Variants in B4GALT7 observed in about 807,000 individuals in gnomAD.
B4GALT7 encodes UDP-Gal:beta-GlcNAc beta-1,4-galactosyltransferase 7.
In B4GALT7, 30 loss-of-function variants were observed where a neutral mutation model predicts 33.0. The ratio of observed to expected loss-of-function variants is 0.91; its 90% CI spans 0.68 to 1.23. The LOEUF (loss-of-function observed/expected upper bound fraction) is 1.23, where lower values mean the gene tolerates loss of function less well. B4GALT7 is among the 50% of genes most tolerant of loss of function. The pLI, the probability that B4GALT7 is intolerant of heterozygous loss-of-function variation, is 0.00. For missense variants in B4GALT7, 507 were observed against 450.8 expected, an observed-to-expected ratio of 1.12 and a Z score of -1.13; for synonymous variants, 213 against 187.2, an observed-to-expected ratio of 1.14 and a Z score of -1.13.
intron 1 of B4GALT7, among the ~76,000 whole-genome samples, chr5:177,602,290 G>A (rs1011950460): frequency 2.0e-5 from 3 of 152,110 alleles, no homozygotes; most frequent in East Asian, 3.9e-4. Context: ...CCAGGTTGGC[G>A]GTCTCTCTAG....
intron 1 of B4GALT7, among the ~76,000 whole-genome samples, chr5:177,601,108 C>T (rs2127510028): frequency 6.6e-6 from 1 of 152,202 alleles, no homozygotes; most frequent in East Asian, 1.9e-4. Flanking sequence ...TTCTTAAGTC[C>T]GTCAGGTGCC....
chr5:177,601,354 G>C (rs565897556), intron 1 of B4GALT7: 1 of 152,154 alleles, frequency 6.6e-6, no homozygotes, highest in Non-Finnish European at 1.5e-5. Context: ...TTAAAGGACC[G>C]CACACATGTA....
rs758861249 is a variant in B4GALT7 at position 177,608,494 on chromosome 5, C to CG, written c.640-45_640-44insG. ...AGCGGTAGGAGACCAAAGGCCCCCCCCCCCGGGAAGATGGGCCGAGTGACG... is the reference window on the plus strand; with the variant it reads ...AGCGGTAGGAGACCAAAGGCCCCCCCGCCCCGGGAAGATGGGCCGAGTGACG... On this transcript the variant is annotated intron_variant, in intron 3 of 5. Transcript: ENST00000029410. The surrounding 1 kb of genome is among the most constrained non-coding windows in gnomAD (Gnocchi z 4.1). 1.2e-5 allele frequency: 19 copies of CG among 1,563,978 alleles called. No homozygotes were observed. In the African/African-American group the frequency reaches 1.2e-4, roughly 10 times the overall value.
chr5:177,608,390 C>A lies in B4GALT7; in HGVS notation c.640-149C>A. Reference sequence around the variant, plus strand: ...AGGGCCCGGGACGCGCTGCTTCCTGCCGCCCGCACTGCAGAAGTGCAGGAG... The same window carrying A: ...AGGGCCCGGGACGCGCTGCTTCCTGACGCCCGCACTGCAGAAGTGCAGGAG... On this transcript the variant is annotated intron_variant, in intron 3 of 5. Transcript: ENST00000029410. The surrounding 1 kb of genome is among the most constrained non-coding windows in gnomAD (Gnocchi z 4.1). 4.5e-6 allele frequency: 3 copies of A among 673,378 alleles called. No homozygotes were observed. The allele number at this position is 673,378 out of a possible 1,614,324, so 41.7% of individuals were successfully genotyped here.
Position 177,608,976 on chromosome 5 carries a change from C to G in B4GALT7, c.790C>G (p.Arg264Gly). 1 of 1,613,128 alleles carries G rather than the reference C, an allele frequency of 6.2e-7. No homozygotes were observed. The highest frequency in any genetic ancestry group is 8.5e-7 in the Non-Finnish European group (1 of 1,179,980). ...TFRHLHDPAW[R>G]KRDQKRIAAQ... ...TCGCCACCTGCATGACCCAGCCTGG[C>G]GGAAGAGGGACCAGAAGCGCATCGC... Residue 264 changes from arginine to glycine, a missense_variant, in exon 5 of 6, where the codon CGG becomes GGG. Arg to Gly is a moderately radical substitution (Grantham distance 125). Transcript: ENST00000029410. The surrounding 1 kb of genome is among the most constrained non-coding windows in gnomAD (Gnocchi z 4.1).
intron 1 of B4GALT7, chr5:177,602,686 G>A (rs1767876271): frequency 9.2e-6 from 2 of 216,270 alleles, no homozygotes; most frequent in Non-Finnish European, 1.6e-5. Context: ...TGCCCAACAT[G>A]AGAACATGGG....
chr5:177,609,366 G>A (rs113674994), intron 5 of B4GALT7, among the ~76,000 whole-genome samples, 174 bp from the exon 6 acceptor site: 3 of 152,282 alleles, frequency 2.0e-5, no homozygotes, highest in Non-Finnish European at 2.9e-5. Context: ...ATCCCGGCTC[G>A]CCTGCTTCCT....
In B4GALT7 at chr5:177,608,073, C is replaced by A; in HGVS notation, c.640-466C>A. Reference sequence around the variant, plus strand: ...CAGGAAGAAGCACTTGTGGCTCAGGCCTGGGTGTCCTCCTCTCCAGGCCAT... The same window carrying A: ...CAGGAAGAAGCACTTGTGGCTCAGGACTGGGTGTCCTCCTCTCCAGGCCAT... On this transcript the variant is annotated intron_variant, in intron 3 of 5. Coordinates refer to ENST00000029410, the MANE Select transcript of B4GALT7 (RefSeq NM_007255.3). The surrounding 1 kb of genome is among the most constrained non-coding windows in gnomAD (Gnocchi z 4.1). 4.2e-6 allele frequency: 1 copy of A among 239,458 alleles called. No homozygotes were observed. The allele number at this position is 239,458 out of a possible 1,614,324, so 14.8% of individuals were successfully genotyped here. A position where few individuals can be genotyped will look rare whatever the true frequency, so the allele number is the denominator to read the frequency against.
rs201281389 is a variant in B4GALT7 at position 177,604,492 on chromosome 5, A to C, written c.364A>C (p.Lys122Gln). Residue 122 changes from lysine to glutamine, a missense_variant, in exon 2 of 6, where the codon AAG becomes CAG. By Grantham distance (53) the Lys-to-Gln change is moderately conservative. Coordinates refer to ENST00000029410, the MANE Select transcript of B4GALT7 (RefSeq NM_007255.3). Reference sequence around the variant, plus strand: ...CCACATGCGCCGCTTCCTGAGCAGGAAGAAGATCCGGCACCACATCTACGT... The same window carrying C: ...CCACATGCGCCGCTTCCTGAGCAGGCAGAAGATCCGGCACCACATCTACGT... ...VPHMRRFLSR[K>Q]KIRHHIYVLN... The C allele has an allele frequency of 4.3e-6, 7 of 1,613,944 alleles. No individual in the cohort carries two copies. The Admixed American group carries it at 6.7e-5, about 15-fold the overall frequency.
At chr5:177,607,584 TG>T in intron 3 of B4GALT7, 57 bp downstream of exon 3, 1 of 1,537,038 alleles carries the variant, frequency 6.5e-7, no homozygotes, top group South Asian at 1.1e-5. Flanking sequence ...AGGCTGCGGG[TG>T]GTGGGAAGGA....
At chr5:177,607,945 T>C (rs1768062073) in intron 3 of B4GALT7, 1 of 291,850 alleles carries the variant, frequency 3.4e-6, no homozygotes, top group East Asian at 9.0e-5. Context: ...CCTTCCCTTG[T>C]AGCTCAGGCA....
At chr5:177,609,039 G>A (rs764425084) in intron 5 of B4GALT7, 25 bp downstream of exon 5, 12 of 1,596,226 alleles carry the variant, frequency 7.5e-6, no homozygotes, top group Middle Eastern at 1.7e-4. Flanking sequence ...CCTCATTGGG[G>A]ACAGATAGGT....
At chr5:177,609,190 C>T (rs540568407) in intron 5 of B4GALT7, among the ~76,000 whole-genome samples, 176 bp downstream of exon 5, 2 of 152,268 alleles carry the variant, frequency 1.3e-5, no homozygotes, top group East Asian at 3.9e-4. Context: ...CTGCTGTGGG[C>T]ACCCTGGGCA....
Position 177,608,574 on chromosome 5 carries a change from CCG to C in B4GALT7, c.678_679del (p.Glu227GlyfsTer9). On this transcript the variant is annotated frameshift_variant, in exon 4 of 6. Transcript: ENST00000029410. LOFTEE classifies it high-confidence loss of function. The surrounding 1 kb of genome is among the most constrained non-coding windows in gnomAD (Gnocchi z 4.1). ...GMSNRFWGWG[R>X]EDDEFYRRIK... ...TGTCCAACCGCTTCTGGGGCTGGGGCCGCGAGGACGACGAGTTCTACCGGCGC... is the reference window on the plus strand; with the variant it reads ...TGTCCAACCGCTTCTGGGGCTGGGGCCGAGGACGACGAGTTCTACCGGCGC... 1 of 1,613,612 alleles carries C rather than the reference CCG, an allele frequency of 6.2e-7. No individual in the cohort carries two copies. Among genetic ancestry groups the C allele is most frequent in the Non-Finnish European group, 8.5e-7 (1 of 1,179,958 alleles).
intron 2 of B4GALT7, chr5:177,604,917 A>C: frequency 2.2e-6 from 1 of 462,090 alleles, no homozygotes; most frequent in South Asian, 1.6e-5. Context: ...GGGAGGGTCA[A>C]GGCCACGGCT....
chr5:177,603,726 G>T (rs1767900648), intron 1 of B4GALT7, among the ~76,000 whole-genome samples: 1 of 152,180 alleles, frequency 6.6e-6, no homozygotes, highest in African/African-American at 2.4e-5. Flanking sequence ...GGTTTCTGCT[G>T]GGGTGGATCT....
chr5:177,609,006 CA>C lies in B4GALT7; in HGVS notation c.825del (p.Lys275AsnfsTer13). 4 of 1,610,618 alleles carry C rather than the reference CA, an allele frequency of 2.5e-6. No individual in the cohort carries two copies. On this transcript the variant is annotated frameshift_variant, in exon 5 of 6. Coordinates refer to ENST00000029410, the MANE Select transcript of B4GALT7 (RefSeq NM_007255.3). LOFTEE classifies it high-confidence loss of function. ...GAGGGACCAGAAGCGCATCGCAGCT[CA>C]AAAACAGGTGCTGGCAGGGCTCCTC... ...RKRDQKRIAA[Q>X]KQEQFKVDRE...
At chr5:177,607,774 C>T (rs775787208) in intron 3 of B4GALT7, 23 of 570,230 alleles carry the variant, frequency 4.0e-5, no homozygotes, top group East Asian at 2.4e-4. Context: ...AGTGTAGGGG[C>T]GGTTCAGGTG....
At position 177,608,443 on chromosome 5, in the gene B4GALT7, G is replaced by A; in HGVS notation, c.640-96G>A. 4 of 1,136,228 alleles carry A rather than the reference G, an allele frequency of 3.5e-6. No homozygotes were observed. Among genetic ancestry groups the A allele is most frequent in the Non-Finnish European group, 5.3e-6 (4 of 753,962 alleles). The allele number at this position is 1,136,228 out of a possible 1,614,324, so 70.4% of individuals were successfully genotyped here. On this transcript the variant is annotated intron_variant, in intron 3 of 5. Coordinates refer to ENST00000029410, the MANE Select transcript of B4GALT7 (RefSeq NM_007255.3). This position sits in a 1 kb window ranked among gnomAD's most constrained non-coding sequence, Gnocchi z 4.1. ...TGCAAGCACCCGGGGCTTATTCAGA[G>A]GCGCTGGGGGAGAGGGGCACTCCCG... is the stretch of plus-strand genomic sequence containing the variant.
Sources: allele counts gnomAD v4.1 joint callset (sites outside exome capture counted in the v4.1 genomes callset), GRCh38; gene constraint gnomAD v4.1.1; non-coding constraint Gnocchi (gnomAD v3.1); transcripts MANE v1.5; gene names NCBI Gene and HGNC (gene_info 2026-07-23, HGNC 2026-07-21).